The following PGM5 variants were observed in gnomAD, a reference collection of about 807,000 sequenced individuals.
PGM5 encodes phosphoglucomutase-like protein 5.
Under a neutral mutation model 59.2 loss-of-function variants are expected in PGM5, and 23 were observed. The ratio of observed to expected loss-of-function variants is 0.39; its 90% confidence interval spans 0.28 to 0.55. The LOEUF (loss-of-function observed/expected upper bound fraction) is 0.55. PGM5 is among the 20% of genes least tolerant of loss of function. The probability of loss-of-function intolerance (pLI) is 0.66; values close to 1 mark genes in which losing one functional copy is unlikely to be tolerated. For synonymous variants in PGM5, 214 were observed against 286.0 expected, an observed-to-expected ratio of 0.75 and a Z score of 2.54; for missense variants, 574 against 748.3, an observed-to-expected ratio of 0.77 and a Z score of 2.72.
At chr9:68,442,883 T>TA (rs1554683777) in intron 6 of PGM5, among the ~76,000 whole-genome samples, 7 of 152,154 alleles carry the variant, frequency 4.6e-5, no homozygotes. Flanking sequence ...ATTGCTAAAA[T>TA]AAAAATTACT....
chr9:68,357,936 C>G (rs1297893080), intron 1 of PGM5: 1 of 164,560 alleles, frequency 6.1e-6, no homozygotes, highest in Non-Finnish European at 1.3e-5. Flanking sequence ...CACACACACA[C>G]ACACACACAC....
At chr9:68,445,875 C>A (rs558330386) in intron 6 of PGM5, among the ~76,000 whole-genome samples, 1 of 152,298 alleles carries the variant, frequency 6.6e-6, no homozygotes, top group East Asian at 1.9e-4. Flanking sequence ...TATTTGTGCT[C>A]TACCATGTAT....
intron 2 of PGM5, among the ~76,000 whole-genome samples, chr9:68,379,195 T>C (rs1341321879): frequency 7.9e-5 from 12 of 152,304 alleles, no homozygotes; most frequent in Non-Finnish European, 1.3e-4. Context: ...TATTATTATT[T>C]ATAGCTGTTT....
At chr9:68,438,650 A>G (rs139829588) in intron 6 of PGM5, among the ~76,000 whole-genome samples, 2 of 152,356 alleles carry the variant, frequency 1.3e-5, no homozygotes, top group African/African-American at 4.8e-5. Context: ...AATAGTAGAT[A>G]GATTGGAGAA....
intron 6 of PGM5, among the ~76,000 whole-genome samples, chr9:68,432,908 A>C (rs1040172428): frequency 1.3e-5 from 2 of 152,168 alleles, no homozygotes; most frequent in South Asian, 4.1e-4. Flanking sequence ...CGCCTGGCCT[A>C]AATGAACCAT....
chr9:68,452,365 C>A (rs1342248852), intron 6 of PGM5, among the ~76,000 whole-genome samples: 1 of 152,192 alleles, frequency 6.6e-6, no homozygotes, highest in East Asian at 1.9e-4. Flanking sequence ...ACCACGCAGA[C>A]CAACATGGCC....
intron 2 of PGM5, among the ~76,000 whole-genome samples, chr9:68,382,173 A>G (rs1554678373): frequency 6.6e-6 from 1 of 151,826 alleles, no homozygotes; most frequent in Non-Finnish European, 1.5e-5. Flanking sequence ...AAAAACAGAA[A>G]CATAGACCAA....
intron 6 of PGM5, among the ~76,000 whole-genome samples, chr9:68,406,681 T>TACCTA (rs1822820701): frequency 5.4e-5 from 2 of 36,928 alleles, no homozygotes; most frequent in African/African-American, 2.6e-4. Context: ...TATATATGTA[T>TACCTA]ATATATATAT....
chr9:68,398,315 C>A (rs1554680191), intron 6 of PGM5: 1 of 151,996 alleles, frequency 6.6e-6, no homozygotes, highest in East Asian at 1.9e-4. Flanking sequence ...AGGATCAAGG[C>A]AGGAAAGAGA....
chr9:68,376,282 ATAT>A (rs1192109243), intron 1 of PGM5, among the ~76,000 whole-genome samples: 1 of 152,140 alleles, frequency 6.6e-6, no homozygotes. Flanking sequence ...TATTATTATT[ATAT>A]TATTATTAAA....
chr9:68,421,273 C>T (rs1823124834), intron 6 of PGM5, among the ~76,000 whole-genome samples: 1 of 152,228 alleles, frequency 6.6e-6, no homozygotes, highest in African/African-American at 2.4e-5. Context: ...CCCCTGGTGG[C>T]TGGCTGGGTC....
intron 8 of PGM5, among the ~76,000 whole-genome samples, 183 bp from the exon 9 acceptor site, chr9:68,483,682 A>T (rs782573891): frequency 6.6e-6 from 1 of 152,180 alleles, no homozygotes; most frequent in African/African-American, 2.4e-5. Flanking sequence ...TTTTTACAAG[A>T]TTACTCTGGC....
At chr9:68,477,300 G>T (rs1208010870) in intron 7 of PGM5, among the ~76,000 whole-genome samples, 1 of 151,484 alleles carries the variant, frequency 6.6e-6, no homozygotes, top group Non-Finnish European at 1.5e-5. Context: ...TACCTTCACA[G>T]CCCCCCTCAG....
At chr9:68,488,293 A>G (rs1178659538) in intron 9 of PGM5, among the ~76,000 whole-genome samples, 2 of 152,178 alleles carry the variant, frequency 1.3e-5, no homozygotes, top group African/African-American at 2.4e-5. Flanking sequence ...AAGGTTTTTT[A>G]AGGCAGCTTG....
At chr9:68,397,452 A>G (rs1822540280) in intron 6 of PGM5, 1 of 152,232 alleles carries the variant, frequency 6.6e-6, no homozygotes, top group Non-Finnish European at 1.5e-5. Context: ...AGATCTAAAA[A>G]GTATGTTTTG....
intron 4 of PGM5, among the ~76,000 whole-genome samples, chr9:68,388,308 T>G (rs1180639118): frequency 6.9e-6 from 1 of 145,272 alleles, no homozygotes; most frequent in Admixed American, 7.0e-5. Flanking sequence ...GCAATTATCT[T>G]GTTTTCTCAT....
intron 10 of PGM5, among the ~76,000 whole-genome samples, chr9:68,502,720 C>T (rs529187382): frequency 6.6e-6 from 1 of 152,244 alleles, no homozygotes; most frequent in South Asian, 2.1e-4. Flanking sequence ...GAGGAAGTCT[C>T]ACTCTGTGGC....
At chr9:68,384,753 A>G (rs1372993563) in intron 3 of PGM5, among the ~76,000 whole-genome samples, 1 of 148,966 alleles carries the variant, frequency 6.7e-6, no homozygotes. Flanking sequence ...CACTTCCCAA[A>G]CTCGATATCA....
At chr9:68,508,779 C>T (rs1220976968) in intron 10 of PGM5, among the ~76,000 whole-genome samples, 1 of 152,238 alleles carries the variant, frequency 6.6e-6, no homozygotes, top group Non-Finnish European at 1.5e-5. Context: ...TTTGTTCTAG[C>T]CCAGATGCAC....
Sources: gnomAD v4.1 joint callset for allele counts (sites outside exome capture counted in the v4.1 genomes callset) on GRCh38, gnomAD v4.1.1 for gene constraint, MANE v1.5 for transcripts, NCBI Gene and HGNC (gene_info 2026-07-23, HGNC 2026-07-21) for gene names.